Variants in SYT14 observed in about 807,000 individuals in gnomAD.
SYT14 encodes synaptotagmin 14.
SYT14 carries 32 observed loss-of-function variants against 74.2 expected under a neutral mutation model. The ratio of observed to expected loss-of-function variants is 0.43; its 90% CI spans 0.33 to 0.58. SYT14 has a LOEUF of 0.58. Ranked by LOEUF, SYT14 falls within the 20% of genes least tolerant of loss-of-function variation. The probability of loss-of-function intolerance (pLI) is 0.05; values close to 1 mark genes in which losing one functional copy is unlikely to be tolerated. For synonymous variants in SYT14, 298 were observed against 337.7 expected, an observed-to-expected ratio of 0.88 and a Z score of 1.29; for missense variants, 791 against 981.8, an observed-to-expected ratio of 0.81 and a Z score of 2.60.
exon 4 of SYT14, chr1:210,016,275 C>G: frequency 1.6e-6 from 2 of 1,232,044 alleles, no homozygotes; most frequent in Non-Finnish European, 2.0e-6. Context: ...AAAACACAAG[C>G]CAATTTAGAG....
intron 5 of SYT14, among the ~76,000 whole-genome samples, chr1:210,059,463 G>T (rs1222960609): frequency 7.3e-4 from 101 of 138,162 alleles, no homozygotes; most frequent in African/African-American, 1.5e-3. Flanking sequence ...GAGAGAGAGA[G>T]AGAGAGAGAG....
intron 5 of SYT14, among the ~76,000 whole-genome samples, chr1:210,029,420 A>AT (rs1432770857): frequency 2.0e-5 from 3 of 151,904 alleles, no homozygotes; most frequent in Non-Finnish European, 4.4e-5. Flanking sequence ...TTATGATGTG[A>AT]TCCATTTTGA....
rs375351414 is a variant in SYT14 at position 209,990,570 on chromosome 1, T to TATACGTATATATAC, written c.-485-23063_-485-23062insATACGTATATATAC. On this transcript the variant is annotated intron_variant, in intron 2 of 9. Coordinates refer to ENST00000637265, the Ensembl canonical transcript of SYT14. Reference sequence around the variant, plus strand: ...ATATGTATATATATACGTATATATATGTATGTATATTTCTTGTTTTAATGA... The same window carrying TATACGTATATATAC: ...ATATGTATATATATACGTATATATATATACGTATATATACGTATGTATATTTCTTGTTTTAATGA... Among the ~76,000 whole-genome samples, 10 of 136,014 alleles carry TATACGTATATATAC rather than the reference T, an allele frequency of 7.4e-5. No homozygotes were observed. The East Asian group carries it at 1.3e-3, about 18-fold the overall frequency. The allele number at this position is 136,014 out of a possible 152,430, so 89.2% of individuals were successfully genotyped here.
intron 7 of SYT14, among the ~76,000 whole-genome samples, chr1:210,154,769 C>A (rs1041198994): frequency 1.3e-5 from 2 of 152,014 alleles, no homozygotes; most frequent in African/African-American, 4.8e-5. Flanking sequence ...TCTAATCAAT[C>A]AAAAAACATT....
chr1:209,987,153 GTCT>G (rs1165689422), intron 2 of SYT14, among the ~76,000 whole-genome samples: 1 of 152,054 alleles, frequency 6.6e-6, no homozygotes, highest in South Asian at 2.1e-4. Flanking sequence ...TCATCTTCCT[GTCT>G]TCTTCTGAGC....
At chr1:210,009,644 A>C (rs1208706356) in intron 2 of SYT14, among the ~76,000 whole-genome samples, 1 of 152,166 alleles carries the variant, frequency 6.6e-6, no homozygotes, top group Non-Finnish European at 1.5e-5. Context: ...TTCATATGGA[A>C]TAAGAGGAGC....
chr1:210,036,580 C>A (rs1253971048), intron 5 of SYT14, among the ~76,000 whole-genome samples: 1 of 151,888 alleles, frequency 6.6e-6, no homozygotes, highest in Non-Finnish European at 1.5e-5. Flanking sequence ...TTGCATATGG[C>A]TTTTATTATT....
At chr1:210,043,434 G>A (rs1288739737) in intron 5 of SYT14, among the ~76,000 whole-genome samples, 1 of 149,612 alleles carries the variant, frequency 6.7e-6, no homozygotes, top group Admixed American at 6.7e-5. Context: ...TTGTTTTACT[G>A]AAAAAAAAAA....
At chr1:210,058,889 T>C (rs1187804448) in intron 5 of SYT14, among the ~76,000 whole-genome samples, 1 of 152,162 alleles carries the variant, frequency 6.6e-6, no homozygotes, top group Non-Finnish European at 1.5e-5. Context: ...GACCTCACTT[T>C]GTCTCCCACT....
intron 2 of SYT14, among the ~76,000 whole-genome samples, chr1:209,984,935 T>TA (rs1558110861): frequency 2.0e-5 from 3 of 152,118 alleles, no homozygotes; most frequent in Admixed American, 6.6e-5. Context: ...AGAACAGCAC[T>TA]AAGCCATGAG....
chr1:210,162,564 T>C, exon 10 of SYT14: 1 of 342,642 alleles, frequency 2.9e-6, no homozygotes, highest in Non-Finnish European at 5.6e-6. Context: ...TTCTCATTTC[T>C]AGTTAAAATA....
chr1:210,026,605 TACACACACACACAC>T (rs368072216), intron 5 of SYT14, among the ~76,000 whole-genome samples: 19 of 138,346 alleles, frequency 1.4e-4, no homozygotes, highest in East Asian at 7.6e-4. Context: ...GTATATAGCT[TACACACACACACAC>T]ACACACACAC....
At chr1:210,168,946 A>G (rs2083487329) in exon 10 of SYT14, 1 of 152,108 alleles carries the variant, frequency 6.6e-6, no homozygotes, top group South Asian at 2.1e-4. Flanking sequence ...CAGTACCCAA[A>G]TGTCATTGCA....
chr1:210,088,958 C>T (rs1430151325), intron 5 of SYT14, among the ~76,000 whole-genome samples: 1 of 151,900 alleles, frequency 6.6e-6, no homozygotes, highest in Non-Finnish European at 1.5e-5. Context: ...TATACACGTG[C>T]CATGGTGGTT....
intron 1 of SYT14, among the ~76,000 whole-genome samples, chr1:209,951,059 T>C (rs1267446789): frequency 6.6e-6 from 1 of 152,222 alleles, no homozygotes; most frequent in Non-Finnish European, 1.5e-5. Flanking sequence ...TTTTGATATA[T>C]GGATACATTG....
chr1:210,127,476 G>C (rs867137391), intron 7 of SYT14, among the ~76,000 whole-genome samples: 4 of 152,126 alleles, frequency 2.6e-5, no homozygotes, highest in Non-Finnish European at 5.9e-5. Flanking sequence ...AGAAAGACTA[G>C]AAATGCAAGT....
intron 7 of SYT14, among the ~76,000 whole-genome samples, chr1:210,123,386 A>G (rs1348626914): frequency 6.6e-6 from 1 of 152,200 alleles, no homozygotes; most frequent in Non-Finnish European, 1.5e-5. Context: ...AAGTGCACAC[A>G]GAAGGAGAGA....
intron 7 of SYT14, among the ~76,000 whole-genome samples, chr1:210,142,743 G>T (rs989874815): frequency 2.0e-5 from 3 of 151,888 alleles, no homozygotes; most frequent in Non-Finnish European, 4.4e-5. Context: ...TCCTGTGCCT[G>T]CTCTCTGCAC....
intron 2 of SYT14, among the ~76,000 whole-genome samples, chr1:209,981,254 A>G (rs1351140173): frequency 6.6e-6 from 1 of 151,950 alleles, no homozygotes; most frequent in East Asian, 1.9e-4. Context: ...GGTAGCAGGT[A>G]TTGTTCTTTC....
Sources: gnomAD v4.1 joint callset for allele counts (sites outside exome capture counted in the v4.1 genomes callset) on GRCh38, gnomAD v4.1.1 for gene constraint, MANE v1.5 for transcripts, NCBI Gene and HGNC (gene_info 2026-07-23, HGNC 2026-07-21) for gene names.